Variants in KRT82 observed in about 807,000 individuals in gnomAD.
KRT82 encodes the protein keratin, type II cuticular Hb2.
In KRT82, 44 loss-of-function variants were observed where a neutral mutation model predicts 48.0. The observed-to-expected ratio is 0.92, with a 90% CI of 0.72 to 1.18. The LOEUF is 1.18. Among genes scored for constraint, KRT82 ranks in the 50% most tolerant of loss-of-function variants. The pLI is 0.00. For synonymous variants in KRT82, 297 were observed against 278.3 expected (o/e 1.07, Z -0.67); for missense variants, 701 against 671.4 (o/e 1.04, Z -0.49).
At chr12:52,397,046 A>T (rs975649974) in intron 5 of KRT82, 38 bp from the exon 6 acceptor site, 1 of 1,608,902 alleles carries the variant, frequency 6.2e-7, no homozygotes, top group South Asian at 1.1e-5. Flanking sequence ...AGGCCCCACA[A>T]GATGGCATCT....
intron 5 of KRT82, among the ~76,000 whole-genome samples, chr12:52,399,729 G>A (rs1001763993): frequency 1.3e-5 from 2 of 152,214 alleles, no homozygotes; most frequent in African/African-American, 4.8e-5. Flanking sequence ...AAAAACTGCT[G>A]GGCGCCCTGG....
chr12:52,396,104 C>T lies in KRT82; in HGVS notation c.1197G>A (p.Leu399=), dbSNP rs1451082349. The part of the protein sequence containing the change: ...LQKAKQDMAC[L]LKEYQEVMNS... ...TCATCACCTCCTGATATTCCTTGAG[C>T]AGGCAGGCCATGTCCTGCTTGGCCT... is the stretch of plus-strand genomic sequence containing the variant. The change falls in exon 7 of 9, where the codon CTG becomes CTA. Residue 399 remains leucine (L), a synonymous_variant. Transcript: ENST00000257974. 6.2e-7 allele frequency: 1 copy of T among 1,614,224 alleles called. No homozygotes were observed. Among genetic ancestry groups the T allele is most frequent in the Non-Finnish European group, 8.5e-7 (1 of 1,180,046 alleles).
At chr12:52,395,898 T>A in intron 7 of KRT82, 108 bp from the exon 8 acceptor site, 1 of 1,478,354 alleles carries the variant, frequency 6.8e-7, no homozygotes, top group Non-Finnish European at 9.1e-7. Flanking sequence ...TGCTGTGGGT[T>A]TTCAATGAAT....
At chr12:52,395,247 G>T (rs746345262) in intron 8 of KRT82, 52 bp from the exon 9 acceptor site, 1 of 1,477,624 alleles carries the variant, frequency 6.8e-7, no homozygotes, top group Non-Finnish European at 9.3e-7. Context: ...GGCTCTCAGT[G>T]TACTGCCCTG....
At chr12:52,403,610 C>T in intron 2 of KRT82, 91 bp downstream of exon 2, 1 of 844,892 alleles carries the variant, frequency 1.2e-6, no homozygotes, top group Non-Finnish European at 1.9e-6. Flanking sequence ...TAAGTTTAGG[C>T]TTCCCATTTT....
rs754590250 is a variant in KRT82 at position 52,405,908 on chromosome 12, T to C, written c.370A>G (p.Ile124Val). The C allele has an allele frequency of 2.5e-6, 4 of 1,613,980 alleles. No homozygotes were observed. The highest frequency in any genetic ancestry group is 3.3e-5 in the Admixed American group (2 of 60,000). ...QRVKRDEKEQIKCLNNRFASF... is the reference protein window; with the variant it reads ...QRVKRDEKEQVKCLNNRFASF... ...GCGAAACGGTTGTTGAGGCACTTGA[T>C]CTGCTCCTTCTCATCCCTCTTTACC... The change falls in exon 1 of 9, where the codon ATC (isoleucine) becomes GTC (valine). Residue 124 changes from isoleucine to valine, a missense_variant. Coordinates refer to ENST00000257974, the MANE Select transcript of KRT82 (RefSeq NM_033033.4).
At chr12:52,397,039 C>A (rs1416388771) in intron 5 of KRT82, 31 bp from the exon 6 acceptor site, 5 of 1,610,398 alleles carry the variant, frequency 3.1e-6, no homozygotes, top group Non-Finnish European at 4.2e-6. Context: ...GAGCCCCAGG[C>A]CCCACAAGAT....
intron 5 of KRT82, among the ~76,000 whole-genome samples, chr12:52,399,142 T>C (rs1219381407): frequency 6.6e-6 from 1 of 152,236 alleles, no homozygotes; most frequent in Non-Finnish European, 1.5e-5. Context: ...GCCACCCTAA[T>C]TGAAACTGCA....
intron 2 of KRT82, among the ~76,000 whole-genome samples, chr12:52,403,078 T>A (rs1390384289): frequency 6.6e-6 from 1 of 152,036 alleles, no homozygotes; most frequent in Non-Finnish European, 1.5e-5. Flanking sequence ...AACCACCTAC[T>A]CCAAGCTGTG....
intron 8 of KRT82, 54 bp downstream of exon 8, chr12:52,395,705 G>A (rs77413335): frequency 1.4e-6 from 2 of 1,394,970 alleles, no homozygotes; most frequent in Non-Finnish European, 2.0e-6. Context: ...GCCTGTGTTG[G>A]GGTGATCAAC....
Position 52,404,219 on chromosome 12 carries a change from G to A in KRT82, c.412-310C>T, listed in dbSNP as rs1354666071. ...CCTGCCTGCCTCTCTCTATCCTCGT[G>A]ACCTTGACCAAGACATCCTGTCCCT... On this transcript the variant is annotated intron_variant, in intron 1 of 8. Transcript: ENST00000257974. 2.6e-5 allele frequency among the ~76,000 whole-genome samples: 4 copies of A among 152,130 alleles called. No individual in the cohort carries two copies. In the South Asian group the frequency reaches 6.2e-4, roughly 24 times the overall value.
intron 3 of KRT82, 54 bp from the exon 4 acceptor site, chr12:52,400,676 C>T (rs1939777586): frequency 7.8e-7 from 1 of 1,286,496 alleles, no homozygotes; most frequent in Admixed American, 1.7e-5. Flanking sequence ...CCCAGGCAAG[C>T]TGGTGGCAGG....
chr12:52,400,678 G>T, intron 3 of KRT82, 56 bp from the exon 4 acceptor site: 1 of 1,230,282 alleles, frequency 8.1e-7, no homozygotes. Context: ...CAGGCAAGCT[G>T]GTGGCAGGGG....
At chr12:52,403,097 C>G (rs539094098) in intron 2 of KRT82, among the ~76,000 whole-genome samples, 53 of 152,310 alleles carry the variant, frequency 3.5e-4, no homozygotes, top group African/African-American at 1.2e-3. Context: ...TGAATTAGAC[C>G]TGGAGCTCAT....
At chr12:52,401,455 C>T in intron 2 of KRT82, 106 bp from the exon 3 acceptor site, 8 of 1,103,972 alleles carry the variant, frequency 7.2e-6, no homozygotes, top group South Asian at 4.0e-5. Flanking sequence ...TGACTGAATG[C>T]CCTGGGGAGT....
At chr12:52,396,426 G>A (rs144278910) in intron 6 of KRT82, among the ~76,000 whole-genome samples, 194 bp from the exon 7 acceptor site, 1 of 152,324 alleles carries the variant, frequency 6.6e-6, no homozygotes, top group Admixed American at 6.5e-5. Flanking sequence ...AGAGAGCGGG[G>A]ATTTTCCTCT....
At chr12:52,402,678 G>C (rs1276550376) in intron 2 of KRT82, among the ~76,000 whole-genome samples, 1 of 150,534 alleles carries the variant, frequency 6.6e-6, no homozygotes, top group African/African-American at 2.4e-5. Flanking sequence ...CAGGTGGTCT[G>C]TGCACACTGG....
chr12:52,395,223 GCC>G, intron 8 of KRT82, 28 bp from the exon 9 acceptor site: 3 of 1,589,242 alleles, frequency 1.9e-6, no homozygotes, highest in Non-Finnish European at 2.6e-6. Flanking sequence ...GGTGCTCAGG[GCC>G]CCACACGGTG....
Position 52,396,903 on chromosome 12 carries a change from T to A in KRT82, c.1048A>T (p.Thr350Ser), listed in dbSNP as rs756225021. The change falls in exon 6 of 9, where the codon ACC (threonine) becomes TCC (serine). Residue 350 changes from threonine (T) to serine (S), a missense_variant. Coordinates refer to ENST00000257974, the MANE Select transcript of KRT82 (RefSeq NM_033033.4). ...CTCACCTGGGCTTTGACATTCTCGG[T>A]TTCTTGCTGCAGCCGCTGGATCAGT... ...NKLIQRLQQE[T>S]ENVKAQRCKL... 1.2e-6 allele frequency: 2 copies of A among 1,614,116 alleles called. No homozygotes were observed. The highest frequency in any genetic ancestry group is 2.2e-5 in the South Asian group (2 of 91,076).
Sources: allele counts gnomAD v4.1 joint callset (sites outside exome capture counted in the v4.1 genomes callset), GRCh38; gene constraint gnomAD v4.1.1; transcripts MANE v1.5; gene names NCBI Gene and HGNC (gene_info 2026-07-23, HGNC 2026-07-21).